Variants in CFAP47 observed in about 807,000 individuals in gnomAD.
The protein encoded by CFAP47 is cilia and flagella associated protein 47, also known as cilia- and flagella-associated protein 47.
In CFAP47, 29 loss-of-function variants were observed where a neutral mutation model predicts 148.1. The ratio of observed to expected loss-of-function variants is 0.20; its 90% CI spans 0.15 to 0.27. CFAP47 has a LOEUF of 0.27. Among genes scored for constraint, CFAP47 ranks in the 10% least tolerant of loss-of-function variants. CFAP47 has a pLI of 1.00. For synonymous variants in CFAP47, 664 were observed against 577.3 expected (o/e 1.15, Z -2.15); for missense variants, 1,872 against 1,697.5 (o/e 1.10, Z -1.81).
intron 37 of CFAP47, 57 bp downstream of exon 37, chrX:36,149,280 T>TTATAA (rs1939276135): frequency 3.5e-6 from 1 of 281,880 alleles, no homozygotes; most frequent in African/African-American, 2.7e-5. Flanking sequence ...ATATTTAATG[T>TTATAA]TATAATTATA....
chrX:36,256,102 C>A (rs1940748151), intron 49 of CFAP47, among the ~76,000 whole-genome samples: 1 of 111,640 alleles, frequency 9.0e-6, no homozygotes, highest in South Asian at 3.7e-4. Context: ...ATGCAAAAAG[C>A]TATTATTACT....
chrX:36,120,265 C>T (rs2146812278), intron 33 of CFAP47, among the ~76,000 whole-genome samples: 1 of 110,374 alleles, frequency 9.1e-6, no homozygotes, highest in African/African-American at 3.3e-5. Flanking sequence ...ACCTTGGCCT[C>T]CCAAAGTGCT....
chrX:36,375,775 G>A (rs1043579717), intron 62 of CFAP47, among the ~76,000 whole-genome samples: 11 of 112,296 alleles, frequency 9.8e-5, no homozygotes, highest in Admixed American at 3.8e-4. Flanking sequence ...AGGGCACATT[G>A]GGGTGTGTTG....
chrX:35,964,463 G>C (rs1423816906), intron 8 of CFAP47, among the ~76,000 whole-genome samples: 1 of 110,891 alleles, frequency 9.0e-6, no homozygotes, highest in African/African-American at 3.3e-5. Flanking sequence ...CCCTGCTTGG[G>C]TTTTGTTGAG....
intron 49 of CFAP47, 59 bp from the exon 50 acceptor site, chrX:36,280,428 C>T: frequency 2.4e-6 from 1 of 409,382 alleles, no homozygotes; most frequent in Non-Finnish European, 4.3e-6. Flanking sequence ...TGTAGCTTAC[C>T]TTTTGTTTCA....
At chrX:35,924,171 A>G (rs1344369715) in intron 1 of CFAP47, among the ~76,000 whole-genome samples, 1 of 104,463 alleles carries the variant, frequency 9.6e-6, no homozygotes, top group Non-Finnish European at 1.9e-5. Context: ...GTATATATGT[A>G]CATGTATGCG....
At chrX:35,938,383 A>G (rs6527526) in intron 2 of CFAP47, among the ~76,000 whole-genome samples, 38,564 of 110,379 alleles carry the variant, frequency 0.35, 8,748 homozygotes, top group African/African-American at 0.84. Flanking sequence ...AAACAGCTAT[A>G]TGTTTAAATA....
chrX:36,314,589 C>T (rs1941418623), intron 56 of CFAP47, among the ~76,000 whole-genome samples: 1 of 111,510 alleles, frequency 9.0e-6, no homozygotes, highest in African/African-American at 3.3e-5. Context: ...GCTTATGGTT[C>T]TCAATGTACA....
At chrX:36,114,028 T>C (rs966804126) in intron 33 of CFAP47, among the ~76,000 whole-genome samples, 1 of 110,247 alleles carries the variant, frequency 9.1e-6, no homozygotes, top group African/African-American at 3.3e-5. Flanking sequence ...GCCAGGATGG[T>C]CTCGATCTGC....
chrX:36,265,679 C>A (rs1199896760), intron 49 of CFAP47, among the ~76,000 whole-genome samples: 2 of 111,765 alleles, frequency 1.8e-5, no homozygotes, highest in African/African-American at 6.5e-5. Context: ...TCTTGCCATC[C>A]AGATTTTGAA....
intron 15 of CFAP47, chrX:35,986,029 A>G (rs1166548955): frequency 4.0e-6 from 1 of 252,237 alleles, no homozygotes; most frequent in Non-Finnish European, 7.9e-6. Context: ...GGTCTCAGGT[A>G]GTAAGTGCCG....
rs1939404796 is a variant in CFAP47, at chrX:36,159,443, C to T, written c.5804C>T (p.Thr1935Ile). The T allele has an allele frequency of 3.4e-6, 1 of 295,719 alleles. No homozygotes were observed. The allele number at this position is 295,719 out of a possible 1,213,427, so 24.4% of individuals were successfully genotyped here. A position where few individuals can be genotyped will look rare whatever the true frequency, so the allele number is the denominator to read the frequency against. Residue 1935 changes from threonine (T) to isoleucine (I), a missense_variant, in exon 38 of 64, where the codon ACT (threonine) becomes ATT (isoleucine). By Grantham distance (89) the Thr-to-Ile change is moderately conservative. Coordinates refer to ENST00000378653, the MANE Select transcript of CFAP47 (RefSeq NM_001304548.2). ...CTAAATAGAAATGAAATTAATGTCA[C>T]TCTGAAATTCACCAGTCGCTTTATT... ...TISPRNEINVTLKFTSRFIRP... is the reference protein window; with the variant it reads ...TISPRNEINVILKFTSRFIRP...
intron 3 of CFAP47, among the ~76,000 whole-genome samples, chrX:35,945,133 A>G (rs2146636385): frequency 8.9e-6 from 1 of 111,848 alleles, no homozygotes; most frequent in Non-Finnish European, 1.9e-5. Context: ...TGCACTTCCA[A>G]AACATCCATT....
chrX:36,238,344 G>A (rs782602096), intron 48 of CFAP47, among the ~76,000 whole-genome samples: 30 of 112,147 alleles, frequency 2.7e-4, no homozygotes, highest in Non-Finnish European at 3.6e-4. Context: ...TGATAGTGAC[G>A]CCTCCCCAGC....
At chrX:36,190,503 A>G (rs1364061542) in intron 42 of CFAP47, among the ~76,000 whole-genome samples, 5 of 112,372 alleles carry the variant, frequency 4.4e-5, no homozygotes, top group Non-Finnish European at 7.5e-5. Context: ...AGACATGCTT[A>G]TTATCTCACA....
chrX:35,980,626 C>A (rs1476331660), intron 15 of CFAP47, among the ~76,000 whole-genome samples: 1 of 110,904 alleles, frequency 9.0e-6, no homozygotes, highest in Admixed American at 9.7e-5. Context: ...TTTATTTCTG[C>A]TCCTATTATG....
At chrX:36,122,297 G>A (rs1236251215) in intron 33 of CFAP47, among the ~76,000 whole-genome samples, 2 of 110,947 alleles carry the variant, frequency 1.8e-5, no homozygotes, top group African/African-American at 6.5e-5. Flanking sequence ...GGTTAAATTT[G>A]TTTGCTGTTC....
intron 16 of CFAP47, among the ~76,000 whole-genome samples, chrX:35,990,427 A>T (rs1369624473): frequency 9.0e-6 from 1 of 111,178 alleles, no homozygotes; most frequent in African/African-American, 3.3e-5. Context: ...TCCAAAAATC[A>T]GTCTATGTTG....
chrX:36,321,329 A>C (rs922426971), intron 57 of CFAP47, among the ~76,000 whole-genome samples: 4 of 111,161 alleles, frequency 3.6e-5, no homozygotes, highest in Non-Finnish European at 7.6e-5. Flanking sequence ...AATTGAACTC[A>C]TGGAGATGGA....
Sources: gnomAD v4.1 joint callset for allele counts (sites outside exome capture counted in the v4.1 genomes callset) on GRCh38, gnomAD v4.1.1 for gene constraint, MANE v1.5 for transcripts, NCBI Gene and HGNC (gene_info 2026-07-23, HGNC 2026-07-21) for gene names.